The following GLIS3 variants were observed in gnomAD, a reference collection of about 807,000 sequenced individuals.
GLIS3 encodes the protein GLIS family zinc finger 3.
In GLIS3, 53 loss-of-function variants were observed where a neutral mutation model predicts 78.6. The ratio of observed to expected loss-of-function variants is 0.67; its 90% confidence interval spans 0.54 to 0.85. The LOEUF (loss-of-function observed/expected upper bound fraction) is 0.85. Among genes scored for constraint, GLIS3 ranks in the 40% least tolerant of loss-of-function variants. The probability of loss-of-function intolerance (pLI) is 0.00; values close to 1 mark genes in which losing one functional copy is unlikely to be tolerated. For missense variants in GLIS3, 1,703 were observed against 1,231.1 expected (o/e 1.38, Z -5.74); for synonymous variants, 684 against 509.9 (o/e 1.34, Z -4.60).
At chr9:4,228,636 C>T (rs1821989748) in intron 2 of GLIS3, among the ~76,000 whole-genome samples, 1 of 152,132 alleles carries the variant, frequency 6.6e-6, no homozygotes, top group African/African-American at 2.4e-5. Context: ...CTTCTTAATC[C>T]CCTATGTATG....
chr9:4,074,342 T>C (rs891626253), intron 4 of GLIS3, among the ~76,000 whole-genome samples: 2 of 152,196 alleles, frequency 1.3e-5, no homozygotes, highest in South Asian at 2.1e-4. Context: ...AGTTCTCCTC[T>C]TTCCTGATTC....
At chr9:3,974,523 C>T (rs1021272593) in intron 4 of GLIS3, among the ~76,000 whole-genome samples, 2 of 152,160 alleles carry the variant, frequency 1.3e-5, no homozygotes, top group African/African-American at 4.8e-5. Flanking sequence ...AAAACTATCC[C>T]AATGACAGAC....
intron 6 of GLIS3, among the ~76,000 whole-genome samples, chr9:3,920,680 A>C (rs1824827849): frequency 6.6e-6 from 1 of 150,666 alleles, no homozygotes; most frequent in Non-Finnish European, 1.5e-5. Context: ...TTTTGAGTAC[A>C]CAGAAATGAA....
intron 4 of GLIS3, among the ~76,000 whole-genome samples, chr9:3,957,973 G>C (rs1817260569): frequency 6.6e-6 from 1 of 152,166 alleles, no homozygotes; most frequent in Non-Finnish European, 1.5e-5. Flanking sequence ...TTCAGTGAGG[G>C]AATTCCGTGG....
At chr9:4,435,805 C>G in the GLIS3 span, among the ~76,000 whole-genome samples, 1 of 152,006 alleles carries the variant, frequency 6.6e-6, no homozygotes, top group Non-Finnish European at 1.5e-5. Flanking sequence ...AAAAATTAGC[C>G]GGGCGTGGTG....
chr9:4,379,280 G>T, the GLIS3 span, among the ~76,000 whole-genome samples: 257 of 152,252 alleles, frequency 1.7e-3, 1 homozygote, highest in Non-Finnish European at 3.1e-3. Flanking sequence ...CTCTTCTTCA[G>T]CCTCTTGAAC....
chr9:4,490,447 G>A, the GLIS3 span: 19 of 296,846 alleles, frequency 6.4e-5, no homozygotes, highest in African/African-American at 3.8e-4. Context: ...GGCAGCAGGA[G>A]GAGCCGGGCG....
intron 2 of GLIS3, among the ~76,000 whole-genome samples, chr9:4,254,119 G>A (rs955543508): frequency 6.6e-6 from 1 of 152,138 alleles, no homozygotes; most frequent in African/African-American, 2.4e-5. Context: ...CCTAAAACTG[G>A]TTGTTCATTT....
chr9:4,348,008 A>G (rs1817916662), intron 1 of GLIS3, among the ~76,000 whole-genome samples: 1 of 152,210 alleles, frequency 6.6e-6, no homozygotes, highest in Non-Finnish European at 1.5e-5. Flanking sequence ...AGGATATGCC[A>G]AAAACCAATT....
At chr9:3,963,612 T>C (rs1817725218) in intron 4 of GLIS3, among the ~76,000 whole-genome samples, 1 of 152,146 alleles carries the variant, frequency 6.6e-6, no homozygotes, top group African/African-American at 2.4e-5. Context: ...GAAAATTAAG[T>C]GCTGAATGAT....
At chr9:4,008,701 T>C (rs189946203) in intron 4 of GLIS3, among the ~76,000 whole-genome samples, 231 of 152,160 alleles carry the variant, frequency 1.5e-3, no homozygotes, top group Non-Finnish European at 2.8e-3. Flanking sequence ...TTCTGTGACA[T>C]AAAAAGAGCC....
intron 2 of GLIS3, among the ~76,000 whole-genome samples, chr9:4,260,185 C>T (rs897080447): frequency 4.6e-5 from 7 of 152,212 alleles, no homozygotes; most frequent in African/African-American, 1.4e-4. Flanking sequence ...GTAATCTTAG[C>T]ACTTTGGGAG....
At chr9:4,020,608 T>C (rs1185580144) in intron 4 of GLIS3, among the ~76,000 whole-genome samples, 1 of 152,250 alleles carries the variant, frequency 6.6e-6, no homozygotes, top group Non-Finnish European at 1.5e-5. Flanking sequence ...ACATGGATTC[T>C]GTCATCAGGC....
chr9:4,095,644 T>C (rs1482704860), intron 4 of GLIS3, among the ~76,000 whole-genome samples: 1 of 152,168 alleles, frequency 6.6e-6, no homozygotes, highest in Non-Finnish European at 1.5e-5. Flanking sequence ...AAGACAACAC[T>C]ACTCATCCGT....
At chr9:4,351,390 G>C (rs1441091475), upstream of GLIS3, among the ~76,000 whole-genome samples, 1 of 95,726 alleles carries the variant, frequency 1.0e-5, no homozygotes, top group Non-Finnish European at 2.1e-5. Context: ...GGGCAACAGA[G>C]TGTCTCAAAA....
At chr9:3,851,601 C>A (rs1215529794) in intron 9 of GLIS3, among the ~76,000 whole-genome samples, 1 of 152,070 alleles carries the variant, frequency 6.6e-6, no homozygotes, top group East Asian at 1.9e-4. Flanking sequence ...AATGCCGCAA[C>A]AAAAATATAG....
upstream of GLIS3, among the ~76,000 whole-genome samples, chr9:4,349,591 G>A (rs933138862): frequency 7.2e-5 from 11 of 152,104 alleles, no homozygotes; most frequent in East Asian, 1.9e-3. Flanking sequence ...AATTTAGATT[G>A]CATTTACTTA....
At chr9:4,187,563 T>A (rs1283507660) in intron 2 of GLIS3, among the ~76,000 whole-genome samples, 1 of 152,228 alleles carries the variant, frequency 6.6e-6, no homozygotes, top group Non-Finnish European at 1.5e-5. Flanking sequence ...GGGGATGGCA[T>A]TGAATCTATA....
At position 4,246,561 on chromosome 9, in the gene GLIS3, T is replaced by A. The variant is rs888307909; in HGVS notation, c.388+39477A>T. Among the ~76,000 whole-genome samples the A allele has an allele frequency of 4.6e-5, 7 of 152,188 alleles. No individual in the cohort carries two copies. In the East Asian group the frequency reaches 1.3e-3, roughly 29 times the overall value. On this transcript the variant is annotated intron_variant, in intron 2 of 10. Coordinates refer to ENST00000381971, the MANE Select transcript of GLIS3 (RefSeq NM_001042413.2). ...CCCTTAAAACATAAGCCGTGAGTAATCGCTTGAGAAGCCATAGCCCATTAC... is the reference window on the plus strand; with the variant it reads ...CCCTTAAAACATAAGCCGTGAGTAAACGCTTGAGAAGCCATAGCCCATTAC...
Sources: gnomAD v4.1 joint callset for allele counts (sites outside exome capture counted in the v4.1 genomes callset) on GRCh38, gnomAD v4.1.1 for gene constraint, MANE v1.5 for transcripts, NCBI Gene and HGNC (gene_info 2026-07-23, HGNC 2026-07-21) for gene names.